Variants in ZC3H7A observed in about 807,000 individuals in gnomAD.
ZC3H7A encodes the protein zinc finger CCCH-type containing 7A.
ZC3H7A carries 44 observed loss-of-function variants against 125.5 expected under a neutral mutation model. The ratio of observed to expected loss-of-function variants is 0.35; its 90% CI spans 0.28 to 0.45. The LOEUF is 0.45. ZC3H7A is among the 20% of genes least tolerant of loss of function. ZC3H7A has a pLI of 1.00. For synonymous variants in ZC3H7A, 399 were observed against 391.2 expected (o/e 1.02, Z -0.23); for missense variants, 977 against 1,170.7 (o/e 0.83, Z 2.41).
chr16:11,776,527 C>T lies in ZC3H7A; in HGVS notation c.471G>A (p.Glu157=), dbSNP rs762913160. ...AKCSLAVPQD[E]HVIKLTQELA... ...GTTCTTGAGTTAGTTTTATTACATG[C>T]TCATCCTGAAAAAAATAAGTATGTA... Residue 157 remains glutamate, a synonymous_variant, in exon 6 of 23, where the codon GAG becomes GAA. Coordinates refer to ENST00000355758, the MANE Select transcript of ZC3H7A (RefSeq NM_014153.4). 3 of 1,603,450 alleles carry T rather than the reference C, an allele frequency of 1.9e-6. No homozygotes were observed. The South Asian group carries it at 3.4e-5, about 18-fold the overall frequency.
Position 11,756,433 on chromosome 16 carries a change from T to C in ZC3H7A, c.2429-63A>G, listed in dbSNP as rs28564226. 13,447 of 1,575,148 alleles carry C rather than the reference T, an allele frequency of 8.5e-3. 1,033 individuals carry two copies. The African/African-American group carries it at 0.16, about 19-fold the overall frequency. On this transcript the variant is annotated intron_variant, in intron 20 of 22. Transcript: ENST00000355758. ...AACTCCATTTAAATACATGCAACTA[T>C]GTGCATATTTTGTAGCAGTCAGCAT...
chr16:11,773,232 G>C (rs1481030227), intron 9 of ZC3H7A, among the ~76,000 whole-genome samples: 2 of 151,854 alleles, frequency 1.3e-5, no homozygotes, highest in Non-Finnish European at 1.5e-5. Context: ...CCAGGCTAGA[G>C]TGCATGGCAC....
intron 16 of ZC3H7A, chr16:11,763,268 C>A: frequency 2.6e-6 from 1 of 381,460 alleles, no homozygotes; most frequent in Non-Finnish European, 4.7e-6. Context: ...CCACCACGCC[C>A]GATTAATTTT....
intron 17 of ZC3H7A, 118 bp from the exon 18 acceptor site, chr16:11,762,161 T>C: frequency 1.8e-5 from 18 of 990,922 alleles, no homozygotes; most frequent in Non-Finnish European, 4.3e-6. Context: ...CATTTTTATC[T>C]GACTTGATTT....
At chr16:11,785,251 A>G (rs2053238705) in intron 1 of ZC3H7A, among the ~76,000 whole-genome samples, 1 of 152,046 alleles carries the variant, frequency 6.6e-6, no homozygotes, top group Non-Finnish European at 1.5e-5. Context: ...AGTTGGGAGG[A>G]CTGATAGAGC....
At chr16:11,761,847 T>A in intron 18 of ZC3H7A, 63 bp downstream of exon 18, 6 of 1,589,456 alleles carry the variant, frequency 3.8e-6, no homozygotes, top group Non-Finnish European at 4.3e-6. Context: ...CTTATGTGTA[T>A]AATTTTATAC....
chr16:11,785,072 C>A (rs112924408), intron 1 of ZC3H7A, among the ~76,000 whole-genome samples: 4,143 of 152,014 alleles, frequency 0.027, 207 homozygotes, highest in African/African-American at 0.095. Flanking sequence ...GCAGGAGAAT[C>A]GCTTCAACCC....
At position 11,779,224 on chromosome 16, in the gene ZC3H7A, A is replaced by G. The variant is rs1567388850; in HGVS notation, c.248T>C (p.Ile83Thr). Residue 83 changes from isoleucine (I) to threonine (T), a missense_variant, in exon 4 of 23, where the codon ATC becomes ACC. Ile to Thr is a moderately conservative substitution (Grantham distance 89). Around this residue, in one of 3 missense-constraint regions of ZC3H7A, gnomAD observed 199 missense variants for 256.1 expected, o/e 0.78. Transcript: ENST00000355758. ...ADYAKSEEIL[I>T]PKEIIEKLYI... The stretch of plus-strand genomic sequence containing the variant: ...TAGTTTTTCAATTATTTCTTTGGGG[A>G]TTAAAATTTCTTCAGATTTTGCATA... 1 of 1,611,710 alleles carries G rather than the reference A, an allele frequency of 6.2e-7. No homozygotes were observed.
intron 21 of ZC3H7A, among the ~76,000 whole-genome samples, chr16:11,754,118 C>T (rs993341050): frequency 6.6e-6 from 1 of 150,858 alleles, no homozygotes; most frequent in Admixed American, 6.6e-5. Context: ...TGGCAAAATC[C>T]CCATCTCTAC....
chr16:11,769,398 A>C (rs1467619775), intron 10 of ZC3H7A, among the ~76,000 whole-genome samples: 1 of 152,156 alleles, frequency 6.6e-6, no homozygotes, highest in Non-Finnish European at 1.5e-5. Context: ...AAAAATGGGA[A>C]AAGAGCCTTT....
intron 9 of ZC3H7A, 67 bp downstream of exon 9, chr16:11,774,169 G>C (rs1209165537): frequency 1.6e-5 from 22 of 1,412,894 alleles, no homozygotes; most frequent in Admixed American, 2.7e-5. Flanking sequence ...AGTCTATCAA[G>C]TTATATTACA....
intron 10 of ZC3H7A, among the ~76,000 whole-genome samples, chr16:11,769,784 C>CTTTTTTTTTTGTTTTTTTTTTTT (rs2052943959): frequency 1.6e-5 from 1 of 61,608 alleles, no homozygotes; most frequent in Non-Finnish European, 2.6e-5. Flanking sequence ...CAATTGCTTT[C>CTTTTTTTTTTGTTTTTTTTTTTT]TTTTTTTTTT....
chr16:11,753,127 G>T, intron 21 of ZC3H7A: 1 of 317,316 alleles, frequency 3.2e-6, no homozygotes, highest in Non-Finnish European at 5.9e-6. Context: ...AAGGATTCAG[G>T]GAAGAACTAA....
chr16:11,772,132 T>G (rs2052994694), intron 9 of ZC3H7A, among the ~76,000 whole-genome samples: 2 of 150,888 alleles, frequency 1.3e-5, no homozygotes, highest in Non-Finnish European at 3.0e-5. Flanking sequence ...GAGGTGGAGG[T>G]TGCAGTGAGC....
chr16:11,758,801 TAC>T (rs2052694689), intron 19 of ZC3H7A: 1 of 382,920 alleles, frequency 2.6e-6, no homozygotes, highest in African/African-American at 2.2e-5. Context: ...AGAAAATGTC[TAC>T]AAACTCACTT....
In ZC3H7A at chr16:11,796,986, A is replaced by ACCCCGCCGCCCCTCCCCCG. The variant is rs1256692589; in HGVS notation, c.-35+119_-35+137dup. On this transcript the variant is annotated intron_variant, in intron 1 of 22. Coordinates refer to ENST00000355758, the MANE Select transcript of ZC3H7A (RefSeq NM_014153.4). ...GTCCTCTCGGGTCCGCGGGCCCCGG[A>ACCCCGCCGCCCCTCCCCCG]CCCCGCCGCCCCTCCCCCGCCCCGC... 8 of 138,128 alleles carry ACCCCGCCGCCCCTCCCCCG rather than the reference A, an allele frequency of 5.8e-5. No individual in the cohort carries two copies. In the East Asian group the frequency reaches 6.9e-4, roughly 12 times the overall value. 8.6% of individuals were successfully genotyped at this position (138,128 alleles called of 1,614,324 possible). A position where few individuals can be genotyped will look rare whatever the true frequency, so the allele number is the denominator to read the frequency against.
chr16:11,764,776 G>A (rs2052826213), intron 15 of ZC3H7A, among the ~76,000 whole-genome samples: 1 of 152,054 alleles, frequency 6.6e-6, no homozygotes, highest in Non-Finnish European at 1.5e-5. Context: ...AATTAATTGG[G>A]GGGGGTACTT....
At chr16:11,769,234 G>A (rs1396271500) in intron 10 of ZC3H7A, 139 bp from the exon 11 acceptor site, 4 of 626,590 alleles carry the variant, frequency 6.4e-6, no homozygotes, top group Non-Finnish European at 1.0e-5. Flanking sequence ...GCTCAAGGTT[G>A]ACACCCAAAG....
chr16:11,792,561 A>G (rs1385324516), intron 1 of ZC3H7A, among the ~76,000 whole-genome samples: 4 of 152,238 alleles, frequency 2.6e-5, no homozygotes, highest in African/African-American at 9.6e-5. Flanking sequence ...ACTGCAACAT[A>G]CTGAGACAGA....
Sources: allele counts gnomAD v4.1 joint callset (sites outside exome capture counted in the v4.1 genomes callset), GRCh38; gene constraint gnomAD v4.1.1; regional missense constraint gnomAD v4.1.1; transcripts MANE v1.5; gene names NCBI Gene and HGNC (gene_info 2026-07-23, HGNC 2026-07-21).